The following TBC1D22A variants were observed in gnomAD, a reference collection of about 807,000 sequenced individuals.
TBC1D22A encodes TBC1 domain family member 22A.
Under a neutral mutation model 60.2 loss-of-function variants are expected in TBC1D22A, and 38 were observed. The ratio of observed to expected loss-of-function variants is 0.63; its 90% confidence interval spans 0.49 to 0.83. TBC1D22A has a LOEUF of 0.83. TBC1D22A is among the 40% of genes least tolerant of loss of function. The pLI is 0.00. For synonymous variants in TBC1D22A, 302 were observed against 281.7 expected, an observed-to-expected ratio of 1.07 and a Z score of -0.72; for missense variants, 628 against 701.0, an observed-to-expected ratio of 0.90 and a Z score of 1.18.
intron 7 of TBC1D22A, among the ~76,000 whole-genome samples, chr22:46,897,640 G>GTTTTTTTGTTTT (rs1569189469): frequency 4.6e-5 from 5 of 108,380 alleles, no homozygotes; most frequent in African/African-American, 2.1e-4. Context: ...GTTTCGTTTT[G>GTTTTTTTGTTTT]TTTTTTTTTG....
At chr22:46,824,953 T>C (rs1001221040) in intron 4 of TBC1D22A, among the ~76,000 whole-genome samples, 42 of 152,292 alleles carry the variant, frequency 2.8e-4, no homozygotes, top group Non-Finnish European at 5.1e-4. Context: ...TGTAGTGATC[T>C]GTAGCCGAGG....
At chr22:47,079,779 T>C (rs1032358365) in intron 11 of TBC1D22A, among the ~76,000 whole-genome samples, 1 of 152,224 alleles carries the variant, frequency 6.6e-6, no homozygotes, top group Non-Finnish European at 1.5e-5. Flanking sequence ...TTACACTTAA[T>C]CATATTAACA....
intron 4 of TBC1D22A, 134 bp from the exon 5 acceptor site, chr22:46,878,519 G>A (rs2067685022): frequency 4.1e-6 from 3 of 732,050 alleles, no homozygotes; most frequent in Admixed American, 4.1e-5. Context: ...TATCTGAAAT[G>A]TTGATGATTT....
intron 4 of TBC1D22A, among the ~76,000 whole-genome samples, chr22:46,870,650 C>T (rs558776203): frequency 2.0e-5 from 3 of 152,282 alleles, no homozygotes; most frequent in South Asian, 2.1e-4. Context: ...ACAGAAATTC[C>T]GTCTCTCCCA....
intron 8 of TBC1D22A, among the ~76,000 whole-genome samples, chr22:46,959,878 C>T (rs947172119): frequency 3.3e-5 from 5 of 152,182 alleles, no homozygotes; most frequent in African/African-American, 1.2e-4. Context: ...GGCTTCTTGG[C>T]CCTCGAAACT....
chr22:46,998,133 A>G (rs1041750011), intron 10 of TBC1D22A, among the ~76,000 whole-genome samples: 2 of 152,158 alleles, frequency 1.3e-5, no homozygotes, highest in African/African-American at 2.4e-5. Flanking sequence ...CATCTTTAAT[A>G]TTATAGAAAA....
chr22:47,155,159 C>T lies in TBC1D22A; in HGVS notation c.1426-18339C>T, dbSNP rs111233721. On this transcript the variant is annotated intron_variant, in intron 12 of 12. Transcript: ENST00000337137. The stretch of plus-strand genomic sequence containing the variant: ...GCAGCGTGATGGGGACGCTCCATGC[C>T]GAGCCCATGTTTTCAGCACTGAAAG... Among the ~76,000 whole-genome samples the T allele has an allele frequency of 2.3e-3, 355 of 152,184 alleles. 1 individual carries two copies. Among genetic ancestry groups the T allele is most frequent in the African/African-American group, 7.9e-3 (330 of 41,518 alleles).
intron 4 of TBC1D22A, among the ~76,000 whole-genome samples, chr22:46,847,954 T>TGTGGGC (rs1389221108): frequency 1.9e-5 from 1 of 53,866 alleles, no homozygotes; most frequent in African/African-American, 5.8e-5. Flanking sequence ...TGTGTGTGTG[T>TGTGGGC]GCGCGCGCGC....
At chr22:47,118,789 T>TTACACACACA (rs1279164033) in intron 12 of TBC1D22A, among the ~76,000 whole-genome samples, 3 of 115,740 alleles carry the variant, frequency 2.6e-5, no homozygotes, top group African/African-American at 1.3e-4. Context: ...AAAGAGGAAT[T>TTACACACACA]TACACACACA....
At position 46,878,678 on chromosome 22, in the gene TBC1D22A, C is replaced by G. The variant is rs757512868; in HGVS notation, c.663C>G (p.Ser221=). The G allele has an allele frequency of 1.2e-6, 2 of 1,613,204 alleles. No individual in the cohort carries two copies. The highest frequency in any genetic ancestry group is 2.2e-5 in the East Asian group (1 of 44,884). The change falls in exon 5 of 13, where the codon TCC becomes TCG. Residue 221 remains serine, a synonymous_variant. Coordinates refer to ENST00000337137, the MANE Select transcript of TBC1D22A (RefSeq NM_014346.5). ...DLEELRRLSW[S]GIPKPVRPMT... The stretch of plus-strand genomic sequence containing the variant: ...AGGAATTACGGAGGTTGAGCTGGTC[C>G]GGAATCCCTAAGCCAGTGCGTCCAA...
chr22:46,999,019 A>G (rs1569319338), intron 10 of TBC1D22A, among the ~76,000 whole-genome samples: 1 of 152,210 alleles, frequency 6.6e-6, no homozygotes, highest in Non-Finnish European at 1.5e-5. Context: ...CGTTCCTCTG[A>G]AGTATGATTT....
chr22:46,967,275 T>A (rs2073848562), intron 8 of TBC1D22A, among the ~76,000 whole-genome samples: 2 of 152,226 alleles, frequency 1.3e-5, no homozygotes, highest in Admixed American at 6.5e-5. Flanking sequence ...AGTCTTGAGT[T>A]GTTATGCCAC....
At chr22:46,866,697 C>T (rs189914669) in intron 4 of TBC1D22A, among the ~76,000 whole-genome samples, 5 of 152,214 alleles carry the variant, frequency 3.3e-5, no homozygotes, top group Non-Finnish European at 5.9e-5. Flanking sequence ...TGCTGATGAA[C>T]CATCATTGTT....
chr22:46,905,042 G>A (rs2069360013), intron 7 of TBC1D22A, among the ~76,000 whole-genome samples: 2 of 152,210 alleles, frequency 1.3e-5, no homozygotes, highest in African/African-American at 4.8e-5. Flanking sequence ...CCGAAGTGCT[G>A]GGATTACAGG....
chr22:47,097,279 C>G (rs749462098), intron 11 of TBC1D22A, among the ~76,000 whole-genome samples: 23 of 152,020 alleles, frequency 1.5e-4, no homozygotes, highest in Non-Finnish European at 3.2e-4. Context: ...TGCTTTAATT[C>G]TACAAAAATC....
chr22:46,876,078 C>T (rs901704047), intron 4 of TBC1D22A, among the ~76,000 whole-genome samples: 4 of 152,142 alleles, frequency 2.6e-5, no homozygotes, highest in Non-Finnish European at 5.9e-5. Flanking sequence ...TTTGACAAAT[C>T]GGAGATTAAA....
chr22:46,908,057 G>A (rs1270286444), intron 7 of TBC1D22A, among the ~76,000 whole-genome samples: 3 of 152,212 alleles, frequency 2.0e-5, no homozygotes, highest in Non-Finnish European at 2.9e-5. Context: ...GCTCAGGAGT[G>A]CATTGTCTCG....
chr22:46,974,438 A>G (rs1472179046), intron 9 of TBC1D22A, 39 bp downstream of exon 9: 2 of 1,544,756 alleles, frequency 1.3e-6, no homozygotes, highest in African/African-American at 1.4e-5. Context: ...CCACGCCCAC[A>G]GCCCCTGCGG....
chr22:46,930,597 G>A (rs943917513), intron 8 of TBC1D22A, among the ~76,000 whole-genome samples: 9 of 150,786 alleles, frequency 6.0e-5, no homozygotes, highest in Admixed American at 3.3e-4. Context: ...CTGGGACTAC[G>A]GGCGCCCACC....
Sources: allele counts gnomAD v4.1 joint callset (sites outside exome capture counted in the v4.1 genomes callset), GRCh38; gene constraint gnomAD v4.1.1; transcripts MANE v1.5; gene names NCBI Gene and HGNC (gene_info 2026-07-23, HGNC 2026-07-21).